CDH23: variants seen among roughly 807,000 people sequenced by gnomAD.
CDH23 encodes cadherin related 23.
Under a neutral mutation model 317.1 loss-of-function variants are expected in CDH23, and 189 were observed. The observed-to-expected ratio is 0.60, with a 90% CI of 0.53 to 0.67. The LOEUF is 0.67. Ranked by LOEUF, CDH23 falls within the 30% of genes least tolerant of loss-of-function variation. The probability of loss-of-function intolerance (pLI) is 0.00; values close to 1 mark genes in which losing one functional copy is unlikely to be tolerated. For missense variants in CDH23, 4,401 were observed against 4,592.4 expected (o/e 0.96, Z 1.20); for synonymous variants, 1,839 against 1,876.8 (o/e 0.98, Z 0.52).
intron 8 of CDH23, among the ~76,000 whole-genome samples, chr10:71,574,261 A>G (rs1858019916): frequency 6.6e-6 from 1 of 152,074 alleles, no homozygotes; most frequent in Non-Finnish European, 1.5e-5. Context: ...TCTAAAGTGT[A>G]TATATTACCT....
chr10:71,608,007 A>G (rs1860631894), intron 9 of CDH23, among the ~76,000 whole-genome samples: 1 of 152,234 alleles, frequency 6.6e-6, no homozygotes, highest in African/African-American at 2.4e-5. Flanking sequence ...CCTTACGTAC[A>G]TGATCACTCC....
rs540657268 is a variant in CDH23 at position 71,506,710 on chromosome 10, C to T, written c.146-3372C>T. On this transcript the variant is annotated intron_variant, in intron 3 of 69. Coordinates refer to ENST00000224721, the MANE Select transcript of CDH23 (RefSeq NM_022124.6). ...TGTAGAGAGGCAGAGCAGCGCTGGG[C>T]GGAGGAGTATGTGCCCAGCTGGAAA... is the stretch of plus-strand genomic sequence containing the variant. Among the ~76,000 whole-genome samples, 5 of 152,152 alleles carry T rather than the reference C, an allele frequency of 3.3e-5. No individual in the cohort carries two copies. In the East Asian group the frequency reaches 5.8e-4, roughly 18 times the overall value.
intron 11 of CDH23, among the ~76,000 whole-genome samples, chr10:71,630,708 G>GTAGA (rs1178928265): frequency 6.6e-6 from 1 of 152,208 alleles, no homozygotes; most frequent in Non-Finnish European, 1.5e-5. Flanking sequence ...GGCTGTGCTG[G>GTAGA]TAGATACCTA....
rs1172804189 is a variant in CDH23, at chr10:71,439,849, C to T, written c.18C>T (p.Ala6=). 1 of 1,570,500 alleles carries T rather than the reference C, an allele frequency of 6.4e-7. No individual in the cohort carries two copies. Residue 6 remains alanine, a synonymous_variant, in exon 2 of 70, where the codon GCC becomes GCT. Transcript: ENST00000224721. ...CAGGAGCCATGGGGCGCCATGTTGCCACCAGCTGCCACGTGGCCTGGCTTT... is the reference window on the plus strand; with the variant it reads ...CAGGAGCCATGGGGCGCCATGTTGCTACCAGCTGCCACGTGGCCTGGCTTT... MGRHV[A]TSCHVAWLLV...
Position 71,815,173 on chromosome 10 carries a change from C to A in CDH23, c.9960C>A (p.Ala3320=). The part of the protein sequence containing the change: ...RSLETLTAAE[A]TAFERNARTE... Reference sequence around the variant, plus strand: ...TGGAGACGCTGACCGCTGCCGAGGCCACTGCCTTCGAGCGCAACGCCCGCA... The same window carrying A: ...TGGAGACGCTGACCGCTGCCGAGGCAACTGCCTTCGAGCGCAACGCCCGCA... Residue 3320 remains alanine (A), a synonymous_variant, in exon 70 of 70, where the codon GCC becomes GCA. Transcript: ENST00000224721. The A allele has an allele frequency of 6.2e-7, 1 of 1,611,486 alleles. No individual in the cohort carries two copies. The highest frequency in any genetic ancestry group is 8.5e-7 in the Non-Finnish European group (1 of 1,178,868).
chr10:71,530,169 C>T (rs979170881), intron 6 of CDH23, among the ~76,000 whole-genome samples: 6 of 152,118 alleles, frequency 3.9e-5, no homozygotes, highest in Non-Finnish European at 8.8e-5. Flanking sequence ...TCCTAGGAGC[C>T]CGGGCTGGTG....
At chr10:71,638,929 G>A (rs1162933114) in intron 11 of CDH23, among the ~76,000 whole-genome samples, 7 of 152,086 alleles carry the variant, frequency 4.6e-5, no homozygotes, top group African/African-American at 1.7e-4. Context: ...AGCCCTCCTG[G>A]CAGCCGGCTG....
In CDH23 at chr10:71,548,966, G is replaced by C. The variant is rs1856437074; in HGVS notation, c.430-17776G>C. 2.6e-5 allele frequency among the ~76,000 whole-genome samples: 4 copies of C among 152,258 alleles called. No homozygotes were observed. In the South Asian group the frequency reaches 8.3e-4, roughly 32 times the overall value. The stretch of plus-strand genomic sequence containing the variant: ...GAGACAGTAAATAATTGTTCCACAA[G>C]TTTCAAGAGCAAGCGTAATTAGTAC... On this transcript the variant is annotated intron_variant, in intron 6 of 69. Coordinates refer to ENST00000224721, the MANE Select transcript of CDH23 (RefSeq NM_022124.6).
Position 71,677,575 on chromosome 10 carries a change from G to T in CDH23, c.1634G>T (p.Gly545Val). 6 of 1,610,504 alleles carry T rather than the reference G, an allele frequency of 3.7e-6. No homozygotes were observed. Among genetic ancestry groups the T allele is most frequent in the Non-Finnish European group, 5.1e-6 (6 of 1,178,764 alleles). The change falls in exon 16 of 70, where the codon GGC (glycine) becomes GTC (valine). Residue 545 changes from glycine to valine, a missense_variant. Gly to Val is a moderately radical substitution (Grantham distance 109, BLOSUM62 -3). Coordinates refer to ENST00000224721, the MANE Select transcript of CDH23 (RefSeq NM_022124.6). ...GACGGGGGCGGCGAGGAGACCACAGGCCGGGTCAGGATCAATGTGTTGGAT... is the reference window on the plus strand; with the variant it reads ...GACGGGGGCGGCGAGGAGACCACAGTCCGGGTCAGGATCAATGTGTTGGAT... ...ARDGGGEETTGRVRINVLDVN... is the reference protein window; with the variant it reads ...ARDGGGEETTVRVRINVLDVN...
At position 71,661,873 on chromosome 10, in the gene CDH23, C is replaced by T. The variant is rs531080183; in HGVS notation, c.1450-13239C>T. Among the ~76,000 whole-genome samples the T allele has an allele frequency of 5.6e-4, 54 of 95,792 alleles. 1 individual carries two copies. Among genetic ancestry groups the T allele is most frequent in the Admixed American group, 4.1e-3 (41 of 10,046 alleles). 62.8% of individuals were successfully genotyped at this position (95,792 alleles called of 152,430 possible). ...ACGTCCCCTCCCACCCTGCACGTCC[C>T]CTCCCACCCAGCGCGCCCCCTCCCA... On this transcript the variant is annotated intron_variant, in intron 14 of 69. Transcript: ENST00000224721.
At chr10:71,803,161 G>A (rs900444055) in intron 54 of CDH23, 48 bp from the exon 55 acceptor site, 5 of 1,605,248 alleles carry the variant, frequency 3.1e-6, no homozygotes, top group Non-Finnish European at 4.3e-6. Context: ...AGAGGGAAGC[G>A]TGGGAAGGAT....
At chr10:71,723,045 C>T (rs1866628742) in intron 28 of CDH23, among the ~76,000 whole-genome samples, 1 of 152,172 alleles carries the variant, frequency 6.6e-6, no homozygotes, top group African/African-American at 2.4e-5. Flanking sequence ...CCCCTCTGAC[C>T]GTCTTGGCAG....
intron 3 of CDH23, among the ~76,000 whole-genome samples, chr10:71,467,454 G>A (rs894094860): frequency 7.9e-5 from 12 of 152,146 alleles, no homozygotes; most frequent in Admixed American, 3.9e-4. Flanking sequence ...GCTGGTCTGG[G>A]GAACCCACTT....
intron 14 of CDH23, among the ~76,000 whole-genome samples, chr10:71,662,857 A>G (rs1863736016): frequency 6.6e-6 from 1 of 152,140 alleles, no homozygotes; most frequent in Non-Finnish European, 1.5e-5. Context: ...CTGGAGTCAG[A>G]AATCTGAAAT....
intron 48 of CDH23, 28 bp from the exon 49 acceptor site, chr10:71,797,076 G>A: frequency 6.6e-7 from 1 of 1,514,604 alleles, no homozygotes; most frequent in Non-Finnish European, 9.1e-7. Flanking sequence ...TTCTTCTCAG[G>A]CTGAACCTGG....
At chr10:71,773,957 A>G (rs1209578898) in intron 38 of CDH23, among the ~76,000 whole-genome samples, 2 of 151,716 alleles carry the variant, frequency 1.3e-5, no homozygotes, top group Non-Finnish European at 2.9e-5. Context: ...AAATGAGTGA[A>G]TGAATGAAAT....
In CDH23 at chr10:71,716,206, G is replaced by A. The variant is rs1368765703; in HGVS notation, c.3369+3393G>A. 3.9e-6 allele frequency: 6 copies of A among 1,551,180 alleles called. No homozygotes were observed. The South Asian group carries it at 7.1e-5, about 18-fold the overall frequency. The stretch of plus-strand genomic sequence containing the variant: ...GACAGGTGGCCAGCAGGAGGAAGAT[G>A]CAGGCCAGGGCGATGAGCATGGGGA... On this transcript the variant is annotated intron_variant, in intron 28 of 69. Coordinates refer to ENST00000224721, the MANE Select transcript of CDH23 (RefSeq NM_022124.6).
chr10:71,502,312 T>G (rs1348909149), intron 3 of CDH23, among the ~76,000 whole-genome samples: 1 of 152,178 alleles, frequency 6.6e-6, no homozygotes, highest in African/African-American at 2.4e-5. Context: ...CTTTTAGGAT[T>G]GATTATGGTG....
At chr10:71,412,884 C>A in intron 1 of CDH23, among the ~76,000 whole-genome samples, 1 of 152,032 alleles carries the variant, frequency 6.6e-6, no homozygotes, top group East Asian at 1.9e-4. Context: ...GGATATTAAT[C>A]CTTTATCAGA....
Sources: gnomAD v4.1 joint callset for allele counts (sites outside exome capture counted in the v4.1 genomes callset) on GRCh38, gnomAD v4.1.1 for gene constraint, MANE v1.5 for transcripts, NCBI Gene and HGNC (gene_info 2026-07-23, HGNC 2026-07-21) for gene names.